SCAMP2: variants seen among roughly 807,000 people sequenced by gnomAD.
SCAMP2 encodes the protein secretory carrier-associated membrane protein 2.
A neutral mutation model predicts 44.1 loss-of-function variants in SCAMP2; 25 were observed. That is an observed-to-expected ratio of 0.57 (90% confidence interval 0.41 to 0.79). The LOEUF is 0.79. SCAMP2 is among the 30% of genes least tolerant of loss of function. SCAMP2 has a pLI of 0.00. For missense variants in SCAMP2, 355 were observed against 411.0 expected (o/e 0.86, Z 1.18); for synonymous variants, 156 against 166.0 (o/e 0.94, Z 0.46).
rs1344681283 is a variant in SCAMP2 at position 74,843,938 on chromosome 15, G to A, written c.*1145C>T. ...GGCACCCCAGTCCACACACCCACTC[G>A]GCAGCCTCGAGGGACAGGGTGCTGG... On this transcript the variant is annotated 3_prime_UTR_variant, in exon 9 of 9. Transcript: ENST00000268099. 1 of 152,232 alleles carries A rather than the reference G, an allele frequency of 6.6e-6. No individual in the cohort carries two copies. The highest frequency in any genetic ancestry group is 2.4e-5 in the African/African-American group (1 of 41,530). 9.4% of individuals were successfully genotyped at this position (152,232 alleles called of 1,614,324 possible). A position where few individuals can be genotyped will look rare whatever the true frequency, so the allele number is the denominator to read the frequency against.
At chr15:74,847,294 T>G (rs1012475853) in intron 7 of SCAMP2, among the ~76,000 whole-genome samples, 1 of 152,148 alleles carries the variant, frequency 6.6e-6, no homozygotes, top group Non-Finnish European at 1.5e-5. Context: ...TTTGCCATGT[T>G]GGCCAGGCTG....
At chr15:74,862,112 A>T (rs2064509063) in intron 1 of SCAMP2, among the ~76,000 whole-genome samples, 2 of 147,232 alleles carry the variant, frequency 1.4e-5, no homozygotes, top group East Asian at 4.0e-4. Flanking sequence ...AAAATACAAA[A>T]GTTAGCCAGG....
At chr15:74,860,052 C>A (rs2064492849) in intron 1 of SCAMP2, among the ~76,000 whole-genome samples, 1 of 152,082 alleles carries the variant, frequency 6.6e-6, no homozygotes, top group Non-Finnish European at 1.5e-5. Context: ...TTGCTTAAAT[C>A]CAGTTTGAGA....
intron 1 of SCAMP2, chr15:74,872,969 G>T (rs538962109): frequency 5.6e-4 from 262 of 468,296 alleles, no homozygotes; most frequent in Non-Finnish European, 8.3e-4. Context: ...CCGGGTGCTA[G>T]AAGACCCCAC....
At chr15:74,869,875 G>A (rs1227868480) in intron 1 of SCAMP2, among the ~76,000 whole-genome samples, 4 of 152,160 alleles carry the variant, frequency 2.6e-5, no homozygotes, top group African/African-American at 9.7e-5. Flanking sequence ...CCAACACCCT[G>A]AGTAAATGAA....
At chr15:74,846,060 A>G (rs1027257357) in intron 7 of SCAMP2, among the ~76,000 whole-genome samples, 2 of 152,182 alleles carry the variant, frequency 1.3e-5, no homozygotes, top group African/African-American at 4.8e-5. Context: ...AGGAAGGCAG[A>G]TCACTTGAGG....
intron 7 of SCAMP2, 87 bp downstream of exon 7, chr15:74,848,513 G>A (rs3765066): frequency 0.57 from 476,572 of 829,814 alleles, 146,808 homozygotes; most frequent in Non-Finnish European, 0.66. Context: ...GGGCACTGGC[G>A]GGGCTCTGTG....
At chr15:74,851,556 T>C (rs911690992) in intron 4 of SCAMP2, 75 bp from the exon 5 acceptor site, 34 of 1,584,638 alleles carry the variant, frequency 2.1e-5, no homozygotes, top group Admixed American at 8.5e-5. Context: ...CACGCCAGCA[T>C]AGTGTATGGG....
At chr15:74,866,496 A>T (rs1054588809) in intron 1 of SCAMP2, among the ~76,000 whole-genome samples, 2 of 152,120 alleles carry the variant, frequency 1.3e-5, no homozygotes, top group Non-Finnish European at 2.9e-5. Flanking sequence ...GGATCACCTG[A>T]GATCAGGAGT....
Position 74,844,997 on chromosome 15 carries a change from C to G in SCAMP2, c.*86G>C. On this transcript the variant is annotated 3_prime_UTR_variant, in exon 9 of 9. Coordinates refer to ENST00000268099, the MANE Select transcript of SCAMP2 (RefSeq NM_005697.5). ...AACCCTGCCAGGTCTGTGCTGGGCA[C>G]AACCACCACCACATAAGGCACCCAC... 6.8e-7 allele frequency: 1 copy of G among 1,475,300 alleles called. No individual in the cohort carries two copies. 91.4% of individuals were successfully genotyped at this position (1,475,300 alleles called of 1,614,324 possible). A position where few individuals can be genotyped will look rare whatever the true frequency, so the allele number is the denominator to read the frequency against.
At position 74,845,390 on chromosome 15, in the gene SCAMP2, T is replaced by G. The variant is rs1486459614; in HGVS notation, c.855+83A>C. ...GGGGGCCTAGGATGCCCAACTGCAG[T>G]GGTGAAAAACATCTCGTGGCAAGGG... is the stretch of plus-strand genomic sequence containing the variant. On this transcript the variant is annotated intron_variant, in intron 8 of 8. Coordinates refer to ENST00000268099, the MANE Select transcript of SCAMP2 (RefSeq NM_005697.5). 4 of 1,607,718 alleles carry G rather than the reference T, an allele frequency of 2.5e-6. No homozygotes were observed. In the East Asian group the frequency reaches 8.9e-5, roughly 36 times the overall value.
At position 74,852,917 on chromosome 15, in the gene SCAMP2, C is replaced by T. The variant is rs545530085; in HGVS notation, c.226-731G>A. On this transcript the variant is annotated intron_variant, in intron 3 of 8. Transcript: ENST00000268099. Reference sequence around the variant, plus strand: ...GGCTGAACAGACCTGGCCCCGGGGCCCTGCACCTGCTGGCAGCTGCTGCCA... The same window carrying T: ...GGCTGAACAGACCTGGCCCCGGGGCTCTGCACCTGCTGGCAGCTGCTGCCA... The T allele has an allele frequency of 8.3e-5, 13 of 156,650 alleles. No individual in the cohort carries two copies. In the South Asian group the frequency reaches 2.3e-3, roughly 27 times the overall value. The allele number at this position is 156,650 out of a possible 1,614,324, so 9.7% of individuals were successfully genotyped here. A position where few individuals can be genotyped will look rare whatever the true frequency, so the allele number is the denominator to read the frequency against.
At chr15:74,861,921 G>C (rs1471491428) in intron 1 of SCAMP2, among the ~76,000 whole-genome samples, 1 of 130,976 alleles carries the variant, frequency 7.6e-6, no homozygotes, top group African/African-American at 2.9e-5. Context: ...AAAAAAAAAA[G>C]AAAGAAAGAA....
chr15:74,845,639 T>A, intron 7 of SCAMP2, 46 bp from the exon 8 acceptor site: 1 of 1,609,930 alleles, frequency 6.2e-7, no homozygotes, highest in Non-Finnish European at 8.5e-7. Context: ...GGGAGTGGGC[T>A]CCAAAAGTCA....
At chr15:74,866,203 G>A (rs2064543275) in intron 1 of SCAMP2, among the ~76,000 whole-genome samples, 1 of 151,682 alleles carries the variant, frequency 6.6e-6, no homozygotes, top group South Asian at 2.1e-4. Flanking sequence ...GGATAAAAGA[G>A]GCCAAGGATG....
intron 6 of SCAMP2, among the ~76,000 whole-genome samples, chr15:74,849,485 C>T (rs1217075645): frequency 2.0e-5 from 3 of 151,356 alleles, no homozygotes; most frequent in African/African-American, 7.3e-5. Context: ...GGTTCACACT[C>T]GTAATCCCAG....
At chr15:74,865,289 G>A (rs1382934458) in intron 1 of SCAMP2, among the ~76,000 whole-genome samples, 1 of 150,912 alleles carries the variant, frequency 6.6e-6, no homozygotes, top group African/African-American at 2.4e-5. Flanking sequence ...GCTGAGGCAG[G>A]AGAATCGCTT....
rs2064388819 is a variant in SCAMP2 at position 74,845,090 on chromosome 15, C to T, written c.983G>A (p.Gly328Glu). ...ASSAAQGAFQGN is the reference protein window; with the variant it reads ...ASSAAQGAFQEN ...GGAGAGAAGAGAGGAGGACTAATTC[C>T]CCTGGAAGGCTCCTTGGGCAGCAGA... The change falls in exon 9 of 9, where the codon GGG (glycine) becomes GAG (glutamate). Residue 328 changes from glycine (G) to glutamate (E), a missense_variant. By Grantham distance (98) the Gly-to-Glu change is moderately conservative. Transcript: ENST00000268099. 1.2e-6 allele frequency: 2 copies of T among 1,613,476 alleles called. No homozygotes were observed. The highest frequency in any genetic ancestry group is 4.5e-5 in the East Asian group (2 of 44,876).
chr15:74,864,101 G>A (rs938567020), intron 1 of SCAMP2, among the ~76,000 whole-genome samples: 6 of 152,026 alleles, frequency 3.9e-5, no homozygotes, highest in African/African-American at 1.4e-4. Flanking sequence ...TCACTCTGTC[G>A]TCCAGGCTGG....
Sources: gnomAD v4.1 joint callset for allele counts (sites outside exome capture counted in the v4.1 genomes callset) on GRCh38, gnomAD v4.1.1 for gene constraint, MANE v1.5 for transcripts, NCBI Gene and HGNC (gene_info 2026-07-23, HGNC 2026-07-21) for gene names.